ARFGEF1: variants seen among roughly 807,000 people sequenced by gnomAD.
ARFGEF1 encodes the protein brefeldin A-inhibited guanine nucleotide-exchange protein 1.
Under a neutral mutation model 231.0 loss-of-function variants are expected in ARFGEF1, and 42 were observed. The observed-to-expected ratio is 0.18, with a 90% CI of 0.14 to 0.24. The LOEUF (loss-of-function observed/expected upper bound fraction) is 0.24, where lower values mean the gene tolerates loss of function less well. ARFGEF1 is among the 10% of genes least tolerant of loss of function. The probability of loss-of-function intolerance (pLI) is 1.00; values close to 1 mark genes in which losing one functional copy is unlikely to be tolerated. For synonymous variants in ARFGEF1, 710 were observed against 732.3 expected (o/e 0.97, Z 0.49); for missense variants, 1,345 against 2,192.0 (o/e 0.61, Z 7.72).
At chr8:67,288,334 G>C (rs1563891255) in intron 6 of ARFGEF1, among the ~76,000 whole-genome samples, 1 of 149,772 alleles carries the variant, frequency 6.7e-6, no homozygotes, top group Non-Finnish European at 1.5e-5. Context: ...AGTCCTTTAA[G>C]TACCAAAACT....
At chr8:67,177,783 G>A (rs1480100662) in intron 5 of ARFGEF1, 3 of 1,161,252 alleles carry the variant, frequency 2.6e-6, no homozygotes, top group Admixed American at 1.7e-5. Flanking sequence ...AAATCTTTAG[G>A]CATATGATGA....
rs769354548 is a variant in ARFGEF1 at position 67,175,556 on chromosome 8, C to T, written c.578G>A (p.Ter193=). The change falls in exon 6 of 6, where the codon TGA becomes TAA. Residue 193 remains the stop codon, a stop_retained_variant. Transcript: ENST00000518789. ...CTCCTTTCACTGGCAGCCCCATGCT[C>T]ACAGGGTCCGTTTGGTCTGTAGTAC... The T allele has an allele frequency of 2.5e-6, 3 of 1,195,032 alleles. No individual in the cohort carries two copies. In the South Asian group the frequency reaches 3.9e-5, roughly 15 times the overall value. The allele number at this position is 1,195,032 out of a possible 1,614,324, so 74.0% of individuals were successfully genotyped here. A position where few individuals can be genotyped will look rare whatever the true frequency, so the allele number is the denominator to read the frequency against.
intron 7 of ARFGEF1, among the ~76,000 whole-genome samples, chr8:67,283,973 C>T (rs1300209791): frequency 6.6e-6 from 1 of 152,138 alleles, no homozygotes; most frequent in African/African-American, 2.4e-5. Context: ...AATCTCATTT[C>T]TAGGAATTTG....
intron 19 of ARFGEF1, among the ~76,000 whole-genome samples, chr8:67,249,466 C>CA (rs1050868917): frequency 8.0e-5 from 12 of 149,958 alleles, no homozygotes; most frequent in Non-Finnish European, 5.9e-5. Context: ...GAGGAGCATA[C>CA]AAGTCTGCAC....
At chr8:67,208,363 G>A (rs531267560) in intron 34 of ARFGEF1, among the ~76,000 whole-genome samples, 4 of 152,170 alleles carry the variant, frequency 2.6e-5, no homozygotes, top group Non-Finnish European at 5.9e-5. Context: ...AGGCACAGTG[G>A]CTCACGCCTT....
intron 14 of ARFGEF1, 82 bp downstream of exon 14, chr8:67,265,924 A>G: frequency 8.0e-7 from 1 of 1,255,784 alleles, no homozygotes; most frequent in Non-Finnish European, 1.1e-6. Context: ...ACTCATTATA[A>G]GGTGATAAAC....
At chr8:67,290,279 C>T (rs1182365297) in intron 6 of ARFGEF1, among the ~76,000 whole-genome samples, 1 of 152,118 alleles carries the variant, frequency 6.6e-6, no homozygotes, top group Non-Finnish European at 1.5e-5. Context: ...GGTCTTAGTC[C>T]ATGTTGTTTC....
chr8:67,188,520 T>C (rs1835308372), intron 5 of ARFGEF1, among the ~76,000 whole-genome samples: 1 of 152,148 alleles, frequency 6.6e-6, no homozygotes, highest in South Asian at 2.1e-4. Context: ...ACCCCAGGCA[T>C]TTGAGCTGGG....
chr8:67,209,561 GTTAT>G (rs201709282), intron 34 of ARFGEF1, among the ~76,000 whole-genome samples: 2,469 of 152,268 alleles, frequency 0.016, 69 homozygotes, highest in African/African-American at 0.057. Context: ...CTTGCATATT[GTTAT>G]TTCTGTTATG....
chr8:67,272,833 C>T (rs1223161400), intron 9 of ARFGEF1, among the ~76,000 whole-genome samples: 2 of 152,038 alleles, frequency 1.3e-5, no homozygotes, highest in East Asian at 1.9e-4. Flanking sequence ...TAAGGCCAGG[C>T]GTGGTGGCTC....
intron 33 of ARFGEF1, among the ~76,000 whole-genome samples, chr8:67,214,737 A>G (rs535642021): frequency 6.6e-6 from 1 of 152,280 alleles, no homozygotes; most frequent in South Asian, 2.1e-4. Flanking sequence ...CATACAGAAG[A>G]CCCACAAGGA....
At chr8:67,341,550 T>C (rs1313768587) in intron 1 of ARFGEF1, among the ~76,000 whole-genome samples, 1 of 152,072 alleles carries the variant, frequency 6.6e-6, no homozygotes. Flanking sequence ...TGAGCACTGA[T>C]TGTGTCACTG....
chr8:67,277,231 A>C, intron 8 of ARFGEF1, 51 bp downstream of exon 8: 1 of 1,573,946 alleles, frequency 6.4e-7, no homozygotes, highest in Non-Finnish European at 8.7e-7. Context: ...GTAGCCTATA[A>C]ATTTGTAAGA....
At chr8:67,220,714 C>T (rs1220032746) in intron 29 of ARFGEF1, among the ~76,000 whole-genome samples, 2 of 152,160 alleles carry the variant, frequency 1.3e-5, no homozygotes, top group Non-Finnish European at 2.9e-5. Flanking sequence ...GAACAAGGCT[C>T]CCTCGTCCTC....
chr8:67,253,736 C>G (rs181081795), intron 17 of ARFGEF1, 114 bp from the exon 18 acceptor site: 1 of 568,742 alleles, frequency 1.8e-6, no homozygotes, highest in East Asian at 3.3e-5. Context: ...AGGATAGAAA[C>G]TGGAAAGTAT....
chr8:67,285,306 C>A (rs1262469966), intron 7 of ARFGEF1, among the ~76,000 whole-genome samples: 1 of 151,830 alleles, frequency 6.6e-6, no homozygotes, highest in Non-Finnish European at 1.5e-5. Flanking sequence ...TCACTTGAGG[C>A]CAGTTCAAGC....
Position 67,273,065 on chromosome 8 carries a change from C to T in ARFGEF1, c.1338-1129G>A, listed in dbSNP as rs573170824. On this transcript the variant is annotated intron_variant, in intron 9 of 38. Coordinates refer to ENST00000262215, the MANE Select transcript of ARFGEF1 (RefSeq NM_006421.5). The stretch of plus-strand genomic sequence containing the variant: ...GAGGTTGCAGTGAGCTGAGATTGCA[C>T]CACTGCACTCCAGCCTGGGTGACAG... 2.0e-5 allele frequency among the ~76,000 whole-genome samples: 3 copies of T among 152,054 alleles called. No homozygotes were observed. In the South Asian group the frequency reaches 6.2e-4, roughly 32 times the overall value.
At chr8:67,213,659 G>A (rs552516054) in intron 33 of ARFGEF1, among the ~76,000 whole-genome samples, 130 of 152,298 alleles carry the variant, frequency 8.5e-4, no homozygotes, top group Non-Finnish European at 1.5e-3. Flanking sequence ...TATACATGTG[G>A]TTAACATCTA....
In ARFGEF1 at chr8:67,227,414, T is replaced by C. The variant is rs373061022; in HGVS notation, c.3743+33A>G. On this transcript the variant is annotated intron_variant, in intron 26 of 38. Transcript: ENST00000262215. ...CCTGCTGTGGAAAACAACAAGATTTTCCTTCTATTAAGCAATTCAACAAAT... is the reference window on the plus strand; with the variant it reads ...CCTGCTGTGGAAAACAACAAGATTTCCCTTCTATTAAGCAATTCAACAAAT... 5.6e-5 allele frequency: 90 copies of C among 1,603,882 alleles called. 1 individual carries two copies. The Middle Eastern group carries it at 6.7e-4, about 12-fold the overall frequency.
Sources: allele counts gnomAD v4.1 joint callset (sites outside exome capture counted in the v4.1 genomes callset), GRCh38; gene constraint gnomAD v4.1.1; transcripts MANE v1.5; gene names NCBI Gene and HGNC (gene_info 2026-07-23, HGNC 2026-07-21).